Variants in PAFAH1B3 observed in about 807,000 individuals in gnomAD.
PAFAH1B3 encodes the protein platelet activating factor acetylhydrolase 1b catalytic subunit 3, also known as platelet-activating factor acetylhydrolase IB subunit alpha1.
A neutral mutation model predicts 24.4 loss-of-function variants in PAFAH1B3; 15 were observed. The observed-to-expected ratio is 0.62, with a 90% confidence interval of 0.41 to 0.95. PAFAH1B3 has a LOEUF of 0.95. Among genes scored for constraint, PAFAH1B3 ranks in the 40% least tolerant of loss-of-function variants. The pLI, the probability that PAFAH1B3 is intolerant of heterozygous loss-of-function variation, is 0.00. For missense variants in PAFAH1B3, 266 were observed against 312.2 expected (o/e 0.85, Z 1.12); for synonymous variants, 144 against 126.5 (o/e 1.14, Z -0.93).
chr19:42,298,879 T>A (rs2038576154), intron 4 of PAFAH1B3, among the ~76,000 whole-genome samples: 1 of 151,830 alleles, frequency 6.6e-6, no homozygotes, highest in African/African-American at 2.4e-5. Context: ...AGTGGCACAA[T>A]CTCGGCTCAC....
In PAFAH1B3 at chr19:42,302,351, C is replaced by T; in HGVS notation, c.-42G>A. ...CTGCAGGATGAGCGAGTCGGGTCGG[C>T]CCGGGAGTGTTCCGAACGGAGCTGG... On this transcript the variant is annotated 5_prime_UTR_variant, in exon 1 of 5. Coordinates refer to ENST00000262890, the MANE Select transcript of PAFAH1B3 (RefSeq NM_002573.4). 1 of 1,541,754 alleles carries T rather than the reference C, an allele frequency of 6.5e-7. No homozygotes were observed. The highest frequency in any genetic ancestry group is 2.4e-5 in the East Asian group (1 of 42,158).
At chr19:42,300,313 A>C in intron 2 of PAFAH1B3, 26 bp from the exon 3 acceptor site, 1 of 1,594,686 alleles carries the variant, frequency 6.3e-7, no homozygotes. Context: ...GGTGTGGGCA[A>C]GAAGTGGTAG....
chr19:42,302,587 C>T lies in PAFAH1B3; in HGVS notation c.-278G>A, dbSNP rs1039069252. 1 of 420,036 alleles carries T rather than the reference C, an allele frequency of 2.4e-6. No homozygotes were observed. 26.0% of individuals were successfully genotyped at this position (420,036 alleles called of 1,614,324 possible). ...GCGCTTCCCGCTCGGGCCGCTGACT[C>T]CCAGGCCGCGCACCCGGCACGGGGT... On this transcript the variant is annotated 5_prime_UTR_variant, in exon 1 of 5. Coordinates refer to ENST00000262890, the MANE Select transcript of PAFAH1B3 (RefSeq NM_002573.4).
In PAFAH1B3 at chr19:42,302,291, G is replaced by T; in HGVS notation, c.19C>A (p.Pro7Thr). The change falls in exon 1 of 5, where the codon CCA becomes ACA. Residue 7 changes from proline (P) to threonine (T), a missense_variant. By Grantham distance (38) the Pro-to-Thr change is conservative. Transcript: ENST00000262890. ...TGCACCGGCGTGGGCTTGCTGGCTG[G>T]GTTCTCCTCTCCACTCATCTTGGCG... MSGEEN[P>T]ASKPTPVQDV... is the part of the protein sequence containing the mutation. 6.2e-7 allele frequency: 1 copy of T among 1,606,124 alleles called. No individual in the cohort carries two copies.
intron 1 of PAFAH1B3, 58 bp from the exon 2 acceptor site, chr19:42,302,097 C>T: frequency 6.6e-7 from 1 of 1,520,838 alleles, no homozygotes; most frequent in Non-Finnish European, 8.9e-7. Context: ...CCGCCCCGCC[C>T]TGCTCCCTTA....
chr19:42,299,065 A>G (rs906033588), intron 4 of PAFAH1B3, among the ~76,000 whole-genome samples: 6 of 149,954 alleles, frequency 4.0e-5, no homozygotes, highest in Admixed American at 2.7e-4. Flanking sequence ...CACCCTCTTC[A>G]GCCTCCCAAA....
intron 4 of PAFAH1B3, among the ~76,000 whole-genome samples, chr19:42,299,220 G>A (rs1158543181): frequency 5.5e-5 from 8 of 146,150 alleles, no homozygotes; most frequent in African/African-American, 1.8e-4. Flanking sequence ...GGGTTCAAGC[G>A]ATTCTCCTGC....
chr19:42,302,474 T>A lies in PAFAH1B3; in HGVS notation c.-165A>T. The A allele has an allele frequency of 1.6e-6, 1 of 610,452 alleles. No individual in the cohort carries two copies. The highest frequency in any genetic ancestry group is 2.8e-6 in the Non-Finnish European group (1 of 352,774). 37.8% of individuals were successfully genotyped at this position (610,452 alleles called of 1,614,324 possible). A position where few individuals can be genotyped will look rare whatever the true frequency, so the allele number is the denominator to read the frequency against. On this transcript the variant is annotated 5_prime_UTR_variant, in exon 1 of 5. Coordinates refer to ENST00000262890, the MANE Select transcript of PAFAH1B3 (RefSeq NM_002573.4). ...AAGGCCGATACAGGGCGCCGCCTCC[T>A]CTCCAGGGACGGAAGCCTTCACTTA...
At position 42,298,900 on chromosome 19, in the gene PAFAH1B3, G is replaced by A. The variant is rs551276956; in HGVS notation, c.408+1070C>T. ...ACAATCTCGGCTCACTGCAAGCTCC[G>A]CCCCCCGGGTTCATGCCATTCTCCT... On this transcript the variant is annotated intron_variant, in intron 4 of 4. Coordinates refer to ENST00000262890, the MANE Select transcript of PAFAH1B3 (RefSeq NM_002573.4). Among the ~76,000 whole-genome samples the A allele has an allele frequency of 6.7e-5, 10 of 149,544 alleles. No homozygotes were observed. The South Asian group carries it at 1.9e-3, about 29-fold the overall frequency.
At chr19:42,297,841 G>A (rs1021753437) in intron 4 of PAFAH1B3, among the ~76,000 whole-genome samples, 4 of 152,034 alleles carry the variant, frequency 2.6e-5, no homozygotes, top group African/African-American at 9.7e-5. Flanking sequence ...CCAAAGTGCT[G>A]GGATTACAGG....
intron 4 of PAFAH1B3, among the ~76,000 whole-genome samples, chr19:42,298,722 ACT>A (rs1255788791): frequency 2.0e-5 from 3 of 152,120 alleles, no homozygotes; most frequent in African/African-American, 4.8e-5. Context: ...ATCACAGCTC[ACT>A]GTTACCTTGA....
chr19:42,300,324 G>A, intron 2 of PAFAH1B3, 37 bp from the exon 3 acceptor site: 2 of 1,524,694 alleles, frequency 1.3e-6, no homozygotes, highest in Middle Eastern at 1.7e-4. Flanking sequence ...GAAGTGGTAG[G>A]GGCACAAGGG....
In PAFAH1B3 at chr19:42,300,281, G is replaced by T; in HGVS notation, c.175C>A (p.Arg59Ser). The change falls in exon 3 of 5, where the codon CGC becomes AGC. Residue 59 changes from arginine to serine, a missense_variant. By Grantham distance (110) the Arg-to-Ser change is moderately radical (BLOSUM62 -1). Transcript: ENST00000262890. ...VQLMHQCEIW[R>S]ELFSPLHALN... Reference sequence around the variant, plus strand: ...GCATGCAGAGGAGAGAAGAGCTCGCGCCAGATCTGTGGGCAAGAAGTGGTG... The same window carrying T: ...GCATGCAGAGGAGAGAAGAGCTCGCTCCAGATCTGTGGGCAAGAAGTGGTG... The T allele has an allele frequency of 6.2e-7, 1 of 1,614,030 alleles. No individual in the cohort carries two copies. The highest frequency in any genetic ancestry group is 2.2e-5 in the East Asian group (1 of 44,884).
At chr19:42,298,124 G>A (rs983956010) in intron 4 of PAFAH1B3, among the ~76,000 whole-genome samples, 2 of 152,138 alleles carry the variant, frequency 1.3e-5, no homozygotes, top group Non-Finnish European at 1.5e-5. Flanking sequence ...TTGAGCCCTG[G>A]AAGCAGAAGT....
chr19:42,301,852 GGTA>G (rs1460990518), intron 2 of PAFAH1B3, 95 bp downstream of exon 2: 7 of 944,704 alleles, frequency 7.4e-6, no homozygotes, highest in Non-Finnish European at 1.7e-6. Flanking sequence ...GGCCAATCTG[GGTA>G]CTCTCATAAT....
In PAFAH1B3 at chr19:42,301,964, T is replaced by A; in HGVS notation, c.154A>T (p.Met52Leu). The A allele has an allele frequency of 6.4e-7, 1 of 1,560,144 alleles. No individual in the cohort carries two copies. ...ACTGCCCTCACCTCGCACTGGTGCA[T>A]GAGCTGGACCAAGGAGTCCCCGATG... ...VFIGDSLVQL[M>L]HQCEIWRELF... The change falls in exon 2 of 5, where the codon ATG becomes TTG. Residue 52 changes from methionine to leucine, a missense_variant. Transcript: ENST00000262890.
chr19:42,299,745 ATACCCCC>A (rs2038588707), intron 4 of PAFAH1B3, among the ~76,000 whole-genome samples: 1 of 152,014 alleles, frequency 6.6e-6, no homozygotes, highest in Non-Finnish European at 1.5e-5. Context: ...TAGTTTTTCA[ATACCCCC>A]AAAGTCTTAA....
rs958860187 is a variant in PAFAH1B3 at position 42,297,300 on chromosome 19, C to T, written c.474G>A (p.Leu158=). 6.2e-7 allele frequency: 1 copy of T among 1,613,922 alleles called. No individual in the cohort carries two copies. Among genetic ancestry groups the T allele is most frequent in the Middle Eastern group, 1.7e-4 (1 of 6,060 alleles). The change falls in exon 5 of 5, where the codon CTG becomes CTA. Residue 158 remains leucine, a synonymous_variant. Transcript: ENST00000262890. ...LREKNRQVNE[L]VRAALAGHPR... ...GGTGGCCAGCCAGTGCCGCCCGTAC[C>T]AGCTCGTTCACCTGTCGGTTCTTCT... is the stretch of plus-strand genomic sequence containing the variant.
intron 4 of PAFAH1B3, 46 bp downstream of exon 4, chr19:42,299,924 C>A: frequency 6.2e-7 from 1 of 1,610,960 alleles, no homozygotes; most frequent in South Asian, 1.1e-5. Context: ...CTGAGGGGGT[C>A]CCAGACCACT....
Sources: gnomAD v4.1 joint callset for allele counts (sites outside exome capture counted in the v4.1 genomes callset) on GRCh38, gnomAD v4.1.1 for gene constraint, MANE v1.5 for transcripts, NCBI Gene and HGNC (gene_info 2026-07-23, HGNC 2026-07-21) for gene names.